The following SCHIP1 variants were observed in gnomAD, a reference collection of about 807,000 sequenced individuals.
The protein encoded by SCHIP1 is schwannomin interacting protein 1.
In SCHIP1, 8 loss-of-function variants were observed where a neutral mutation model predicts 29.7. The ratio of observed to expected loss-of-function variants is 0.27; its 90% confidence interval spans 0.16 to 0.49. The LOEUF (loss-of-function observed/expected upper bound fraction) is 0.49, where lower values mean the gene tolerates loss of function less well. Ranked by LOEUF, SCHIP1 falls within the 20% of genes least tolerant of loss-of-function variation. SCHIP1 has a pLI of 0.99. For missense variants in SCHIP1, 193 were observed against 294.6 expected, an observed-to-expected ratio of 0.66 and a Z score of 2.52; for synonymous variants, 76 against 94.9, an observed-to-expected ratio of 0.80 and a Z score of 1.16.
At chr3:159,288,095 T>A in the SCHIP1 span, among the ~76,000 whole-genome samples, 1 of 152,126 alleles carries the variant, frequency 6.6e-6, no homozygotes, top group Admixed American at 6.6e-5. Context: ...CTTTGAGGTA[T>A]ACTACATGAA....
the SCHIP1 span, among the ~76,000 whole-genome samples, chr3:159,501,149 G>A: frequency 6.6e-6 from 1 of 152,210 alleles, no homozygotes; most frequent in African/African-American, 2.4e-5. Flanking sequence ...AAGAAGCTGA[G>A]TTGTTTATTT....
the SCHIP1 span, among the ~76,000 whole-genome samples, chr3:159,583,869 T>C: frequency 2.5e-4 from 38 of 152,286 alleles, no homozygotes; most frequent in African/African-American, 8.4e-4. Flanking sequence ...TCCTCATCAT[T>C]TGCATTCTTA....
the SCHIP1 span, among the ~76,000 whole-genome samples, chr3:159,478,703 A>G: frequency 6.6e-6 from 1 of 152,164 alleles, no homozygotes; most frequent in South Asian, 2.1e-4. Flanking sequence ...TTTTCTACCC[A>G]TGAGCATGAA....
chr3:159,631,115 A>T, the SCHIP1 span, among the ~76,000 whole-genome samples: 2 of 152,080 alleles, frequency 1.3e-5, no homozygotes, highest in African/African-American at 4.8e-5. Flanking sequence ...GCAAATAAAA[A>T]CCACAGTAAG....
chr3:159,547,863 T>G, the SCHIP1 span, among the ~76,000 whole-genome samples: 1 of 152,200 alleles, frequency 6.6e-6, no homozygotes, highest in Non-Finnish European at 1.5e-5. Context: ...AGCTTTGTTC[T>G]TTTTGCTTAG....
the SCHIP1 span, among the ~76,000 whole-genome samples, chr3:159,425,013 G>A: frequency 1.3e-5 from 2 of 151,388 alleles, no homozygotes; most frequent in Non-Finnish European, 2.9e-5. Flanking sequence ...TCACCACCAG[G>A]CCTGCCTTAA....
At chr3:159,842,461 T>C (rs539992290) in intron 1 of SCHIP1, among the ~76,000 whole-genome samples, 1 of 152,334 alleles carries the variant, frequency 6.6e-6, no homozygotes, top group South Asian at 2.1e-4. Flanking sequence ...CTCCATAGTC[T>C]ATTTTCAACA....
the SCHIP1 span, among the ~76,000 whole-genome samples, chr3:159,464,805 A>G: frequency 6.6e-6 from 1 of 152,192 alleles, no homozygotes; most frequent in Admixed American, 6.6e-5. Context: ...ATGCTCATAC[A>G]TGAGAACAGG....
chr3:159,739,982 C>T, the SCHIP1 span, among the ~76,000 whole-genome samples: 1 of 152,206 alleles, frequency 6.6e-6, no homozygotes, highest in South Asian at 2.1e-4. Context: ...CAAATACTTT[C>T]CAGGTGCATT....
the SCHIP1 span, among the ~76,000 whole-genome samples, chr3:159,832,942 C>G: frequency 6.6e-6 from 1 of 152,062 alleles, no homozygotes; most frequent in African/African-American, 2.4e-5. Context: ...ATTTTATTAC[C>G]TGTTATTGTT....
At chr3:159,416,513 A>G in the SCHIP1 span, among the ~76,000 whole-genome samples, 1 of 152,234 alleles carries the variant, frequency 6.6e-6, no homozygotes, top group Non-Finnish European at 1.5e-5. Context: ...TGCTGACTAA[A>G]TAAGCAGACT....
the SCHIP1 span, among the ~76,000 whole-genome samples, chr3:159,309,641 T>C: frequency 6.6e-6 from 1 of 152,298 alleles, no homozygotes; most frequent in South Asian, 2.1e-4. Context: ...GTTTTTCTTC[T>C]TCCTCCTTGT....
chr3:159,387,416 G>C, the SCHIP1 span: 2 of 330,870 alleles, frequency 6.0e-6, no homozygotes, highest in South Asian at 2.7e-5. Flanking sequence ...TGGTGACTGG[G>C]AGCCACTCAC....
chr3:159,318,143 G>T, the SCHIP1 span, among the ~76,000 whole-genome samples: 3 of 152,204 alleles, frequency 2.0e-5, no homozygotes, highest in Admixed American at 6.5e-5. Context: ...AGGAGTGGCT[G>T]TGGAAAGAGG....
chr3:159,896,568 T>C (rs1468567238), intron 6 of SCHIP1, among the ~76,000 whole-genome samples, 155 bp from the exon 8 acceptor site: 1 of 151,988 alleles, frequency 6.6e-6, no homozygotes, highest in Non-Finnish European at 1.5e-5. Flanking sequence ...CAAATCAGAG[T>C]TCAAAGAGTT....
the SCHIP1 span, among the ~76,000 whole-genome samples, chr3:159,405,427 A>G: frequency 0.034 from 5,121 of 152,350 alleles, 111 homozygotes; most frequent in East Asian, 0.11. Flanking sequence ...TAATTCTATC[A>G]CATAAATGTA....
At chr3:159,694,206 C>T in the SCHIP1 span, among the ~76,000 whole-genome samples, 1 of 151,276 alleles carries the variant, frequency 6.6e-6, no homozygotes, top group African/African-American at 2.5e-5. Context: ...AGATTGTGGG[C>T]CAGGTGCGGT....
At chr3:159,337,375 C>T in the SCHIP1 span, among the ~76,000 whole-genome samples, 2 of 152,028 alleles carry the variant, frequency 1.3e-5, no homozygotes, top group Non-Finnish European at 2.9e-5. Flanking sequence ...GGAAATAAAG[C>T]ACATTCAATT....
chr3:159,299,590 C>A, the SCHIP1 span, among the ~76,000 whole-genome samples: 1 of 152,274 alleles, frequency 6.6e-6, no homozygotes, highest in South Asian at 2.1e-4. Context: ...ATGTGTGTTC[C>A]TCATTTTCCT....
Sources: gnomAD v4.1 joint callset for allele counts (sites outside exome capture counted in the v4.1 genomes callset) on GRCh38, gnomAD v4.1.1 for gene constraint, MANE v1.5 for transcripts, NCBI Gene and HGNC (gene_info 2026-07-23, HGNC 2026-07-21) for gene names.